The following LRIG1 variants were observed in gnomAD, a reference collection of about 807,000 sequenced individuals.
LRIG1 encodes leucine rich repeats and immunoglobulin like domains 1.
In LRIG1, 48 loss-of-function variants were observed where a neutral mutation model predicts 99.2. That is an observed-to-expected ratio of 0.48 (90% CI 0.38 to 0.62). The LOEUF is 0.62. LRIG1 is among the 20% of genes least tolerant of loss of function. LRIG1 has a pLI of 0.00. For missense variants in LRIG1, 1,646 were observed against 1,434.4 expected (o/e 1.15, Z -2.38); for synonymous variants, 772 against 596.1 (o/e 1.29, Z -4.30).
At chr3:66,478,903 G>A (rs761540278) in intron 1 of LRIG1, among the ~76,000 whole-genome samples, 7 of 152,144 alleles carry the variant, frequency 4.6e-5, no homozygotes, top group Non-Finnish European at 1.0e-4. Context: ...AACTCCCTGA[G>A]TAGCTCAATG....
At chr3:66,403,351 T>C (rs1289802611) in intron 9 of LRIG1, among the ~76,000 whole-genome samples, 1 of 152,250 alleles carries the variant, frequency 6.6e-6, no homozygotes, top group South Asian at 2.1e-4. Flanking sequence ...TGTTTATTTA[T>C]TGTCCCAGCT....
chr3:66,469,041 G>A (rs1361547532), intron 1 of LRIG1: 1 of 152,008 alleles, frequency 6.6e-6, no homozygotes, highest in African/African-American at 2.4e-5. Context: ...CTGAACAAGC[G>A]GATAATGCAC....
intron 1 of LRIG1, among the ~76,000 whole-genome samples, chr3:66,493,050 T>C (rs1701140684): frequency 1.3e-5 from 2 of 151,978 alleles, no homozygotes; most frequent in South Asian, 4.1e-4. Flanking sequence ...GTTCTTTGCA[T>C]ACAACTCCAC....
At chr3:66,457,247 G>T (rs192912383) in intron 2 of LRIG1, among the ~76,000 whole-genome samples, 1 of 152,178 alleles carries the variant, frequency 6.6e-6, no homozygotes, top group African/African-American at 2.4e-5. Flanking sequence ...TGTCAGCTAC[G>T]ATTTTTTTTC....
At chr3:66,407,926 C>T (rs1035037248) in intron 7 of LRIG1, among the ~76,000 whole-genome samples, 3 of 152,204 alleles carry the variant, frequency 2.0e-5, no homozygotes, top group Admixed American at 6.5e-5. Flanking sequence ...GTCACACTCC[C>T]TGCATCTGCC....
rs143028467 is a variant in LRIG1, at chr3:66,433,761, C to A, written c.366-16495G>T. ...GCCCTTTAACGCAGCCCTTCCTCAC[C>A]CACCCCAAAAATGATTTGTTACAAC... is the stretch of plus-strand genomic sequence containing the variant. On this transcript the variant is annotated intron_variant, in intron 3 of 18. Coordinates refer to ENST00000273261, the MANE Select transcript of LRIG1 (RefSeq NM_015541.3). Among the ~76,000 whole-genome samples the A allele has an allele frequency of 3.4e-3, 517 of 152,272 alleles. 3 individuals carry two copies. The highest frequency in any genetic ancestry group is 0.012 in the African/African-American group (500 of 41,554).
In LRIG1 at chr3:66,443,670, T is replaced by C. The variant is rs145900856; in HGVS notation, c.365+7889A>G. Among the ~76,000 whole-genome samples the C allele has an allele frequency of 3.3e-3, 507 of 152,340 alleles. 1 individual carries two copies. Among genetic ancestry groups the C allele is most frequent in the African/African-American group, 0.012 (489 of 41,574 alleles). ...AACTGTCTGTTCACCCATCTTCCTCTGCAGCTAGACTGCCAGTTCCTTGAG... is the reference window on the plus strand; with the variant it reads ...AACTGTCTGTTCACCCATCTTCCTCCGCAGCTAGACTGCCAGTTCCTTGAG... On this transcript the variant is annotated intron_variant, in intron 3 of 18. Coordinates refer to ENST00000273261, the MANE Select transcript of LRIG1 (RefSeq NM_015541.3).
At chr3:66,445,988 T>C (rs9861379) in intron 3 of LRIG1, among the ~76,000 whole-genome samples, 6,142 of 152,248 alleles carry the variant, frequency 0.04, 416 homozygotes, top group African/African-American at 0.14. Flanking sequence ...GGACTCTCAT[T>C]ATTCCCCCCA....
rs1295569130 is a variant in LRIG1 at position 66,380,179 on chromosome 3, C to T, written c.*84G>A. 1.8e-5 allele frequency: 20 copies of T among 1,115,652 alleles called. No individual in the cohort carries two copies. Among genetic ancestry groups the T allele is most frequent in the African/African-American group, 1.2e-4 (8 of 64,386 alleles). 69.1% of individuals were successfully genotyped at this position (1,115,652 alleles called of 1,614,324 possible). A position where few individuals can be genotyped will look rare whatever the true frequency, so the allele number is the denominator to read the frequency against. On this transcript the variant is annotated 3_prime_UTR_variant, in exon 19 of 19. Transcript: ENST00000273261. ...GTTACAACTATGTACAGATGAGTGA[C>T]GCTTGAACCCAAGCTTCCTCGCAGC...
chr3:66,461,619 G>A (rs1425513215), intron 2 of LRIG1, among the ~76,000 whole-genome samples: 1 of 152,132 alleles, frequency 6.6e-6, no homozygotes, highest in Non-Finnish European at 1.5e-5. Flanking sequence ...TTCACAATGG[G>A]TATGCCTGGG....
Position 66,381,347 on chromosome 3 carries a change from C to A in LRIG1, c.2770+132G>T, listed in dbSNP as rs904663094. 4 of 799,360 alleles carry A rather than the reference C, an allele frequency of 5.0e-6. No individual in the cohort carries two copies. In the African/African-American group the frequency reaches 6.8e-5, roughly 14 times the overall value. The allele number at this position is 799,360 out of a possible 1,614,324, so 49.5% of individuals were successfully genotyped here. A position where few individuals can be genotyped will look rare whatever the true frequency, so the allele number is the denominator to read the frequency against. ...TAAGAGAGCCAGGCCTGAGCTTCCC[C>A]TGTATATACTGAATACCAAATTTGG... On this transcript the variant is annotated intron_variant, in intron 17 of 18. Coordinates refer to ENST00000273261, the MANE Select transcript of LRIG1 (RefSeq NM_015541.3).
At chr3:66,493,223 T>C (rs1290411647) in intron 1 of LRIG1, among the ~76,000 whole-genome samples, 1 of 152,096 alleles carries the variant, frequency 6.6e-6, no homozygotes, top group African/African-American at 2.4e-5. Context: ...ACTTGCACCT[T>C]GGTAGGGCTC....
At chr3:66,487,140 T>C (rs1014999107) in intron 1 of LRIG1, among the ~76,000 whole-genome samples, 4 of 152,196 alleles carry the variant, frequency 2.6e-5, no homozygotes, top group Admixed American at 2.6e-4. Context: ...AAGAGAGGAC[T>C]ATCCATAATT....
chr3:66,481,953 T>C (rs945890394), intron 1 of LRIG1, among the ~76,000 whole-genome samples: 2 of 152,206 alleles, frequency 1.3e-5, no homozygotes, highest in African/African-American at 2.4e-5. Flanking sequence ...CCAAGTAGGT[T>C]TGACAGAAAA....
At chr3:66,450,752 G>C (rs1703878827) in intron 3 of LRIG1, among the ~76,000 whole-genome samples, 1 of 152,204 alleles carries the variant, frequency 6.6e-6, no homozygotes, top group South Asian at 2.1e-4. Flanking sequence ...ATTAAACTAT[G>C]AAAGCCTGGA....
chr3:66,408,952 GTGTGTGT>G (rs1702370126), intron 7 of LRIG1, among the ~76,000 whole-genome samples: 7 of 133,294 alleles, frequency 5.3e-5, no homozygotes, highest in African/African-American at 1.1e-4. Flanking sequence ...GTGTGTGTGT[GTGTGTGT>G]GTGGTGGGGG....
chr3:66,415,939 G>C (rs937376160), intron 4 of LRIG1, among the ~76,000 whole-genome samples: 6 of 152,216 alleles, frequency 3.9e-5, no homozygotes, highest in African/African-American at 1.4e-4. Flanking sequence ...CTGCCACAGA[G>C]GGTGGAAGGG....
chr3:66,396,201 T>G (rs1338722910), intron 11 of LRIG1, among the ~76,000 whole-genome samples: 1 of 152,150 alleles, frequency 6.6e-6, no homozygotes, highest in Non-Finnish European at 1.5e-5. Flanking sequence ...GGAGACAGCA[T>G]GTTCCTAAAC....
intron 3 of LRIG1, 63 bp from the exon 4 acceptor site, chr3:66,417,329 G>C (rs2106696118): frequency 6.5e-7 from 1 of 1,543,072 alleles, no homozygotes; most frequent in Non-Finnish European, 8.9e-7. Flanking sequence ...CAAGAAACTA[G>C]TATTCCTGCA....
Sources: gnomAD v4.1 joint callset for allele counts (sites outside exome capture counted in the v4.1 genomes callset) on GRCh38, gnomAD v4.1.1 for gene constraint, MANE v1.5 for transcripts, NCBI Gene and HGNC (gene_info 2026-07-23, HGNC 2026-07-21) for gene names.